Variants in BAIAP2 observed in about 807,000 individuals in gnomAD.
BAIAP2 encodes BAR/IMD domain containing adaptor protein 2.
Under a neutral mutation model 63.0 loss-of-function variants are expected in BAIAP2, and 18 were observed. The ratio of observed to expected loss-of-function variants is 0.29; its 90% CI spans 0.20 to 0.42. The LOEUF (loss-of-function observed/expected upper bound fraction) is 0.42. BAIAP2 is among the 10% of genes least tolerant of loss of function. The pLI is 1.00. For synonymous variants in BAIAP2, 386 were observed against 307.6 expected, an observed-to-expected ratio of 1.25 and a Z score of -2.67; for missense variants, 610 against 734.3, an observed-to-expected ratio of 0.83 and a Z score of 1.96.
chr17:81,109,718 C>T, intron 13 of BAIAP2: 1 of 985,480 alleles, frequency 1.0e-6, no homozygotes, highest in Non-Finnish European at 1.2e-6. Flanking sequence ...ACAGTGGCCT[C>T]ACCTCCCGTC....
chr17:81,102,674 T>G (rs2058657017), intron 7 of BAIAP2, among the ~76,000 whole-genome samples: 1 of 152,022 alleles, frequency 6.6e-6, no homozygotes, highest in Admixed American at 6.6e-5. Context: ...TCGTCCAACA[T>G]CCTCCGTGGG....
intron 3 of BAIAP2, among the ~76,000 whole-genome samples, chr17:81,080,732 G>A (rs2145144270): frequency 6.6e-6 from 1 of 152,246 alleles, no homozygotes; most frequent in South Asian, 2.1e-4. Context: ...AGAATGTGGC[G>A]GGAACCAGGC....
chr17:81,098,437 T>G (rs971607570), intron 6 of BAIAP2, among the ~76,000 whole-genome samples: 16 of 152,174 alleles, frequency 1.1e-4, no homozygotes, highest in African/African-American at 3.9e-4. Context: ...TTTTTTAAAT[T>G]GTGATAAAAT....
intron 13 of BAIAP2, among the ~76,000 whole-genome samples, chr17:81,114,092 G>A (rs1190064704): frequency 6.6e-6 from 1 of 150,800 alleles, no homozygotes; most frequent in Non-Finnish European, 1.5e-5. Context: ...AGCCCCCCAT[G>A]GAGCTGGGAC....
Position 81,057,998 on chromosome 17 carries a change from G to C in BAIAP2, c.217+31G>C, listed in dbSNP as rs199869364. The C allele has an allele frequency of 9.1e-5, 121 of 1,324,836 alleles. 12 individuals are homozygous for C. The highest frequency in any genetic ancestry group is 1.2e-4 in the Non-Finnish European group (114 of 983,654). The allele number at this position is 1,324,836 out of a possible 1,614,324, so 82.1% of individuals were successfully genotyped here. ...ACCCCCCCCCCCCCCCCGCCTGGTA[G>C]TCGCCTGATGCCCTCAGGCAGCTCT... is the stretch of plus-strand genomic sequence containing the variant. On this transcript the variant is annotated intron_variant, in intron 3 of 13. Coordinates refer to ENST00000428708, the MANE Select transcript of BAIAP2 (RefSeq NM_001144888.2).
chr17:81,077,210 A>C (rs890603135), intron 3 of BAIAP2, among the ~76,000 whole-genome samples: 3 of 152,122 alleles, frequency 2.0e-5, no homozygotes, highest in African/African-American at 7.2e-5. Flanking sequence ...AGCTAGCTCA[A>C]CTGGTGAGCG....
chr17:81,103,825 G>A (rs2058799810), intron 8 of BAIAP2, 82 bp from the exon 9 acceptor site: 15 of 1,591,742 alleles, frequency 9.4e-6, no homozygotes, highest in Non-Finnish European at 1.3e-5. Context: ...GGCCCCTGCT[G>A]AGGGGGCGGA....
intron 13 of BAIAP2, chr17:81,110,355 A>G (rs946325505): frequency 1.0e-6 from 1 of 986,502 alleles, no homozygotes; most frequent in Non-Finnish European, 1.2e-6. Context: ...AGGGGATTCC[A>G]TGCTCAATGG....
rs1268273700 is a variant in BAIAP2, at chr17:81,116,319, A to G, written c.*480A>G. Reference sequence around the variant, plus strand: ...GCTGGAAGATGAACTTCCCGTAAGCACGTAATTCCCTGCAGGTCCGGCAGC... The same window carrying G: ...GCTGGAAGATGAACTTCCCGTAAGCGCGTAATTCCCTGCAGGTCCGGCAGC... On this transcript the variant is annotated 3_prime_UTR_variant, in exon 14 of 14. Coordinates refer to ENST00000428708, the MANE Select transcript of BAIAP2 (RefSeq NM_001144888.2). 1.2e-6 allele frequency: 2 copies of G among 1,612,688 alleles called. No homozygotes were observed. Among genetic ancestry groups the G allele is most frequent in the East Asian group, 4.5e-5 (2 of 44,892 alleles).
chr17:81,049,907 G>T (rs1258190045), intron 1 of BAIAP2, among the ~76,000 whole-genome samples: 2 of 152,272 alleles, frequency 1.3e-5, no homozygotes, highest in African/African-American at 4.8e-5. Context: ...TTCCACACGG[G>T]CCCACTGGGT....
chr17:81,109,310 C>G, intron 13 of BAIAP2: 2 of 1,162,164 alleles, frequency 1.7e-6, no homozygotes, highest in Non-Finnish European at 2.1e-6. Context: ...GTCTGTGGCA[C>G]TCACTGCTTT....
chr17:81,052,012 C>T (rs1362119178), intron 1 of BAIAP2, among the ~76,000 whole-genome samples: 2 of 152,242 alleles, frequency 1.3e-5, no homozygotes, highest in Non-Finnish European at 2.9e-5. Flanking sequence ...TTAAATGTAG[C>T]TGGCCCATCG....
intron 1 of BAIAP2, among the ~76,000 whole-genome samples, chr17:81,043,653 T>G (rs891839363): frequency 6.6e-6 from 1 of 152,250 alleles, no homozygotes; most frequent in Non-Finnish European, 1.5e-5. Flanking sequence ...CACCGGACAC[T>G]GCGCTGGACA....
chr17:81,066,391 A>C (rs1251144753), intron 3 of BAIAP2, among the ~76,000 whole-genome samples: 1 of 152,188 alleles, frequency 6.6e-6, no homozygotes, highest in Non-Finnish European at 1.5e-5. Flanking sequence ...TCACTGAGTC[A>C]CTGAATTAAG....
At chr17:81,085,242 C>G (rs1173017208) in intron 4 of BAIAP2, 4 of 499,166 alleles carry the variant, frequency 8.0e-6, no homozygotes, top group East Asian at 7.4e-5. Context: ...GAGGCAGACC[C>G]CACACAACCA....
rs559048936 is a variant in BAIAP2, at chr17:81,107,120, C to G, written c.1500+213C>G. On this transcript the variant is annotated intron_variant, in intron 12 of 13. Transcript: ENST00000428708. ...CCTCGCCGCAGCAGGCTCCCTGTGT[C>G]GGCATGCTGGGGCTGGGGTCAGCCT... 2.2e-5 allele frequency: 13 copies of G among 590,496 alleles called. No individual in the cohort carries two copies. In the East Asian group the frequency reaches 3.3e-4, roughly 15 times the overall value. 36.6% of individuals were successfully genotyped at this position (590,496 alleles called of 1,614,324 possible).
At position 81,106,921 on chromosome 17, in the gene BAIAP2, G is replaced by A; in HGVS notation, c.1500+14G>A. ...GCCTTCTCCCAGGTCAGTGGGCGGG[G>A]CCGGGGCTGGGAGGGGCCCGCAGGT... On this transcript the variant is annotated intron_variant, in intron 12 of 13. Transcript: ENST00000428708. 6.7e-7 allele frequency: 1 copy of A among 1,498,604 alleles called. No individual in the cohort carries two copies. The highest frequency in any genetic ancestry group is 1.4e-5 in the African/African-American group (1 of 71,858). 92.8% of individuals were successfully genotyped at this position (1,498,604 alleles called of 1,614,324 possible).
intron 6 of BAIAP2, among the ~76,000 whole-genome samples, chr17:81,091,613 C>G (rs1017785628): frequency 2.6e-5 from 4 of 152,330 alleles, no homozygotes; most frequent in Admixed American, 1.3e-4. Context: ...GCAGGTGTGC[C>G]CACACGTCGT....
intron 1 of BAIAP2, among the ~76,000 whole-genome samples, chr17:81,039,105 C>T (rs1360455503): frequency 3.3e-5 from 5 of 152,254 alleles, no homozygotes; most frequent in Admixed American, 6.5e-5. Context: ...TAGACCTGGC[C>T]TGCATTTTCT....
Sources: allele counts gnomAD v4.1 joint callset (sites outside exome capture counted in the v4.1 genomes callset), GRCh38; gene constraint gnomAD v4.1.1; transcripts MANE v1.5; gene names NCBI Gene and HGNC (gene_info 2026-07-23, HGNC 2026-07-21).